KCNN2: variants seen among roughly 807,000 people sequenced by gnomAD.
KCNN2 encodes small conductance calcium-activated potassium channel protein 2.
KCNN2 carries 24 observed loss-of-function variants against 55.5 expected under a neutral mutation model. The observed-to-expected ratio is 0.43, with a 90% CI of 0.31 to 0.61. KCNN2 has a LOEUF of 0.61. Ranked by LOEUF, KCNN2 falls within the 20% of genes least tolerant of loss-of-function variation. KCNN2 has a pLI of 0.08. For missense variants in KCNN2, 754 were observed against 853.6 expected, an observed-to-expected ratio of 0.88 and a Z score of 1.45; for synonymous variants, 431 against 336.1, an observed-to-expected ratio of 1.28 and a Z score of -3.09.
intron 3 of KCNN2, among the ~76,000 whole-genome samples, chr5:114,433,066 G>A (rs1295465532): frequency 2.0e-5 from 3 of 152,216 alleles, no homozygotes; most frequent in Non-Finnish European, 2.9e-5. Flanking sequence ...GAGTAGTGCG[G>A]GCGCACAGCA....
intron 3 of KCNN2, among the ~76,000 whole-genome samples, chr5:114,406,107 A>G (rs1275438730): frequency 6.6e-6 from 1 of 151,624 alleles, no homozygotes; most frequent in African/African-American, 2.4e-5. Context: ...CTGGAAAAAA[A>G]AAAAAAAAAA....
intron 2 of KCNN2, among the ~76,000 whole-genome samples, chr5:114,233,413 A>G (rs1454233821): frequency 6.6e-6 from 1 of 152,166 alleles, no homozygotes; most frequent in Non-Finnish European, 1.5e-5. Context: ...TCACTCATAT[A>G]TATCTAAGGA....
intron 2 of KCNN2, among the ~76,000 whole-genome samples, chr5:114,235,754 T>C (rs1754477973): frequency 6.6e-6 from 1 of 152,238 alleles, no homozygotes; most frequent in South Asian, 2.1e-4. Flanking sequence ...AGTCTTCTTT[T>C]CCTTACTATC....
chr5:114,062,667 G>T (rs1365390740), intron 1 of KCNN2, among the ~76,000 whole-genome samples: 1 of 152,128 alleles, frequency 6.6e-6, no homozygotes, highest in African/African-American at 2.4e-5. Flanking sequence ...CTCAATTACG[G>T]TGTGTGTGTT....
At chr5:114,451,716 G>A (rs953048316) in intron 3 of KCNN2, among the ~76,000 whole-genome samples, 6 of 152,012 alleles carry the variant, frequency 3.9e-5, no homozygotes, top group Non-Finnish European at 7.4e-5. Context: ...CTAACATGGT[G>A]AAACCCCATC....
At chr5:114,082,040 A>G (rs996330912) in intron 1 of KCNN2, among the ~76,000 whole-genome samples, 4 of 152,162 alleles carry the variant, frequency 2.6e-5, no homozygotes, top group African/African-American at 9.6e-5. Context: ...TCCAAAGAAG[A>G]TATAAAAATG....
intron 3 of KCNN2, among the ~76,000 whole-genome samples, chr5:114,405,530 A>T (rs1758904224): frequency 6.6e-6 from 1 of 152,202 alleles, no homozygotes; most frequent in Admixed American, 6.5e-5. Flanking sequence ...ATTTAAGAAA[A>T]ATAGACTTAT....
At chr5:114,092,605 A>G (rs1323691157) in intron 1 of KCNN2, among the ~76,000 whole-genome samples, 1 of 152,154 alleles carries the variant, frequency 6.6e-6, no homozygotes, top group African/African-American at 2.4e-5. Context: ...TTTCTCCATG[A>G]GGGCTCCATC....
intron 2 of KCNN2, among the ~76,000 whole-genome samples, chr5:114,385,919 C>T (rs1201415898): frequency 6.6e-6 from 1 of 151,618 alleles, no homozygotes; most frequent in African/African-American, 2.4e-5. Context: ...TGGTTCACAC[C>T]TGTAATCCCA....
upstream of KCNN2, among the ~76,000 whole-genome samples, chr5:114,361,477 T>G (rs1248143294): frequency 6.6e-6 from 1 of 152,022 alleles, no homozygotes; most frequent in East Asian, 1.9e-4. Context: ...CGCCAAACTT[T>G]TTCTCCCCAA....
rs528944854 is a variant in KCNN2, at chr5:114,065,937, C to T, written c.-271+9437C>T. 1.5e-4 allele frequency among the ~76,000 whole-genome samples: 18 copies of T among 118,896 alleles called. No individual in the cohort carries two copies. In the East Asian group the frequency reaches 5.3e-3, roughly 35 times the overall value. 78.0% of individuals were successfully genotyped at this position (118,896 alleles called of 152,430 possible). On this transcript the variant is annotated intron_variant, in intron 1 of 10. Transcript: ENST00000512097. ...AACATTATGCCATGTTTAGTTATTT[C>T]ATGAGACTGGGTGGTTCCTAAATAT...
At chr5:114,057,385 A>G (rs781175615) in intron 1 of KCNN2, among the ~76,000 whole-genome samples, 5 of 152,232 alleles carry the variant, frequency 3.3e-5, no homozygotes, top group African/African-American at 7.2e-5. Context: ...TCAGAAACAG[A>G]TGATTAAGTA....
At chr5:114,096,126 T>C (rs1751250903) in intron 1 of KCNN2, among the ~76,000 whole-genome samples, 1 of 152,120 alleles carries the variant, frequency 6.6e-6, no homozygotes, top group Non-Finnish European at 1.5e-5. Context: ...AGCAGTCAAA[T>C]AGATTTGTAT....
chr5:114,483,588 T>C (rs1762326978), intron 5 of KCNN2, among the ~76,000 whole-genome samples: 1 of 152,118 alleles, frequency 6.6e-6, no homozygotes, highest in Non-Finnish European at 1.5e-5. Flanking sequence ...TAGTAGTATA[T>C]ATTTTAGAGC....
chr5:114,061,986 C>T (rs1750342163), intron 1 of KCNN2, among the ~76,000 whole-genome samples: 1 of 152,126 alleles, frequency 6.6e-6, no homozygotes, highest in African/African-American at 2.4e-5. Context: ...TTTACATTTC[C>T]CCAAAGATGA....
chr5:114,323,821 G>C (rs969198204), intron 2 of KCNN2, among the ~76,000 whole-genome samples: 1 of 151,470 alleles, frequency 6.6e-6, no homozygotes, highest in African/African-American at 2.4e-5. Flanking sequence ...GCTAATTTTT[G>C]TAGTTTTAGT....
intron 3 of KCNN2, among the ~76,000 whole-genome samples, chr5:114,459,857 T>C (rs551755208): frequency 1.3e-5 from 2 of 152,244 alleles, no homozygotes; most frequent in East Asian, 1.9e-4. Flanking sequence ...ATAGTAAATA[T>C]TAATTGAGTG....
chr5:114,457,308 A>G (rs1251219549), intron 3 of KCNN2, among the ~76,000 whole-genome samples: 2 of 152,208 alleles, frequency 1.3e-5, no homozygotes, highest in Non-Finnish European at 2.9e-5. Flanking sequence ...TTTTTGAGCA[A>G]TACAGCACTC....
chr5:114,157,287 AG>A (rs1336160469), intron 1 of KCNN2, among the ~76,000 whole-genome samples: 1 of 151,948 alleles, frequency 6.6e-6, no homozygotes, highest in Non-Finnish European at 1.5e-5. Context: ...TAGTTTGCTC[AG>A]AATGATGGTT....
Sources: gnomAD v4.1 joint callset for allele counts (sites outside exome capture counted in the v4.1 genomes callset) on GRCh38, gnomAD v4.1.1 for gene constraint, MANE v1.5 for transcripts, NCBI Gene and HGNC (gene_info 2026-07-23, HGNC 2026-07-21) for gene names.